Variants in SERGEF observed in about 807,000 individuals in gnomAD.
The protein encoded by SERGEF is secretion regulating guanine nucleotide exchange factor.
SERGEF carries 51 observed loss-of-function variants against 50.0 expected under a neutral mutation model. The observed-to-expected ratio is 1.02, with a 90% CI of 0.81 to 1.29. The LOEUF (loss-of-function observed/expected upper bound fraction) is 1.29. Ranked by LOEUF, SERGEF falls within the 50% of genes most tolerant of loss-of-function variation. The probability of loss-of-function intolerance (pLI) is 0.00; values close to 1 mark genes in which losing one functional copy is unlikely to be tolerated. For missense variants in SERGEF, 521 were observed against 557.0 expected, an observed-to-expected ratio of 0.94 and a Z score of 0.65; for synonymous variants, 205 against 212.4, an observed-to-expected ratio of 0.97 and a Z score of 0.30.
intron 9 of SERGEF, chr11:17,918,833 G>T: frequency 2.6e-6 from 1 of 389,478 alleles, no homozygotes; most frequent in Non-Finnish European, 5.0e-6. Flanking sequence ...GCAAAGGGAA[G>T]AGTGTGAGCA....
intron 9 of SERGEF, among the ~76,000 whole-genome samples, chr11:17,883,066 T>C (rs1363085031): frequency 2.0e-5 from 3 of 151,946 alleles, no homozygotes; most frequent in African/African-American, 7.3e-5. Flanking sequence ...ATGAGAGAGG[T>C]CTGCTCTGTT....
chr11:17,882,314 G>A (rs1465975206), intron 9 of SERGEF, among the ~76,000 whole-genome samples: 1 of 151,558 alleles, frequency 6.6e-6, no homozygotes, highest in Non-Finnish European at 1.5e-5. Flanking sequence ...ATCTGCTCAG[G>A]AGGCTGAGGC....
At chr11:17,897,531 G>T (rs147480459) in intron 9 of SERGEF, among the ~76,000 whole-genome samples, 61 of 152,224 alleles carry the variant, frequency 4.0e-4, no homozygotes, top group Middle Eastern at 3.4e-3. Flanking sequence ...ACCATATAAT[G>T]GAATACCACT....
At chr11:17,850,259 T>A (rs1850688384) in intron 10 of SERGEF, among the ~76,000 whole-genome samples, 1 of 152,164 alleles carries the variant, frequency 6.6e-6, no homozygotes, top group Non-Finnish European at 1.5e-5. Flanking sequence ...GGGGACCAAG[T>A]TTCTAACACA....
At chr11:18,012,774 T>TGCCCCCCCCC in intron 1 of SERGEF, 177 bp downstream of exon 1, 3 of 1,285,092 alleles carry the variant, frequency 2.3e-6, no homozygotes, top group Non-Finnish European at 3.2e-6. Context: ...GACCCTTCCT[T>TGCCCCCCCCC]CCCCGCCCGC....
chr11:17,807,113 G>A (rs1005348385), intron 10 of SERGEF, among the ~76,000 whole-genome samples: 3 of 152,126 alleles, frequency 2.0e-5, no homozygotes, highest in Non-Finnish European at 4.4e-5. Flanking sequence ...TGGCTCCCCT[G>A]TCTCCACAAC....
At chr11:17,856,454 T>A (rs771463096) in intron 10 of SERGEF, 11 of 152,244 alleles carry the variant, frequency 7.2e-5, no homozygotes, top group Non-Finnish European at 1.5e-4. Flanking sequence ...TATGCCTTCA[T>A]GGAGACAGGC....
intron 1 of SERGEF, among the ~76,000 whole-genome samples, chr11:18,009,737 T>C (rs905311018): frequency 6.6e-6 from 1 of 152,066 alleles, no homozygotes; most frequent in African/African-American, 2.4e-5. Flanking sequence ...ATTATTATTA[T>C]ACAAAAAGGG....
chr11:17,984,165 G>C (rs983146169), intron 8 of SERGEF, among the ~76,000 whole-genome samples: 1 of 152,166 alleles, frequency 6.6e-6, no homozygotes, highest in Admixed American at 6.5e-5. Flanking sequence ...TTGGAGGGGA[G>C]AGGGAGGATA....
chr11:17,839,157 T>A (rs963787062), intron 10 of SERGEF, among the ~76,000 whole-genome samples: 2 of 152,168 alleles, frequency 1.3e-5, no homozygotes, highest in Non-Finnish European at 2.9e-5. Flanking sequence ...GGTTCAGGTA[T>A]GCTAGATGGT....
chr11:17,827,028 T>C (rs1436231182), intron 10 of SERGEF, among the ~76,000 whole-genome samples: 1 of 152,208 alleles, frequency 6.6e-6, no homozygotes, highest in Non-Finnish European at 1.5e-5. Context: ...CTCGTTCAAA[T>C]ATTAAATAGA....
Position 18,012,963 on chromosome 11 carries a change from C to G in SERGEF, c.48G>C (p.Ala16=), listed in dbSNP as rs111652311. 6.8e-7 allele frequency: 1 copy of G among 1,477,956 alleles called. No homozygotes were observed. The highest frequency in any genetic ancestry group is 1.5e-5 in the African/African-American group (1 of 67,634). The allele number at this position is 1,477,956 out of a possible 1,614,324, so 91.6% of individuals were successfully genotyped here. A position where few individuals can be genotyped will look rare whatever the true frequency, so the allele number is the denominator to read the frequency against. Reference sequence around the variant, plus strand: ...CGGAGTCACGTACCCAGGCGAAGAGCGCGGCCGCCGCGGGGGCGGCCTCCG... The same window carrying G: ...CGGAGTCACGTACCCAGGCGAAGAGGGCGGCCGCCGCGGGGGCGGCCTCCG... ...SASEAAPAAA[A]LFAWGANSYG... The change falls in exon 1 of 11, where the codon GCG becomes GCC. Residue 16 remains alanine (A), a synonymous_variant. Transcript: ENST00000265965.
intron 8 of SERGEF, among the ~76,000 whole-genome samples, chr11:17,966,100 C>T (rs1488910532): frequency 6.6e-6 from 1 of 152,122 alleles, no homozygotes; most frequent in East Asian, 1.9e-4. Flanking sequence ...AGGGTCAATG[C>T]CTCTAATGAT....
rs1007793596 is a variant in SERGEF at position 17,815,645 on chromosome 11, C to T, written c.1049-27232G>A. On this transcript the variant is annotated intron_variant, in intron 10 of 10. Transcript: ENST00000265965. ...AAAACAAAACAAAACAAAAACCGGC[C>T]GGGCTTGGTAGCTCACACCTGTAAT... is the stretch of plus-strand genomic sequence containing the variant. Among the ~76,000 whole-genome samples, 5 of 151,414 alleles carry T rather than the reference C, an allele frequency of 3.3e-5. No individual in the cohort carries two copies. The East Asian group carries it at 9.7e-4, about 29-fold the overall frequency.
intron 10 of SERGEF, among the ~76,000 whole-genome samples, chr11:17,831,500 C>T (rs1346406872): frequency 3.3e-5 from 5 of 152,166 alleles, no homozygotes. Context: ...TCCAAGAGCC[C>T]ATGAGTAAAA....
At chr11:17,895,520 G>A (rs1851603486) in intron 9 of SERGEF, among the ~76,000 whole-genome samples, 2 of 152,198 alleles carry the variant, frequency 1.3e-5, no homozygotes, top group South Asian at 2.1e-4. Flanking sequence ...ACTGCCAGAA[G>A]TCCAGTTCCT....
intron 10 of SERGEF, among the ~76,000 whole-genome samples, chr11:17,849,987 A>G (rs1392342717): frequency 6.6e-6 from 1 of 152,150 alleles, no homozygotes; most frequent in Non-Finnish European, 1.5e-5. Flanking sequence ...AGGCTGGATA[A>G]TTTATAAAGA....
At chr11:17,879,430 A>C (rs1260514752) in intron 9 of SERGEF, among the ~76,000 whole-genome samples, 2 of 152,190 alleles carry the variant, frequency 1.3e-5, no homozygotes, top group African/African-American at 4.8e-5. Flanking sequence ...CCTGGAGATC[A>C]CCTATGTTAT....
chr11:17,805,171 G>A (rs1849735270), intron 10 of SERGEF, among the ~76,000 whole-genome samples: 1 of 152,224 alleles, frequency 6.6e-6, no homozygotes, highest in South Asian at 2.1e-4. Context: ...CTCCATGGCA[G>A]TGTGGGGCTG....
Sources: gnomAD v4.1 joint callset for allele counts (sites outside exome capture counted in the v4.1 genomes callset) on GRCh38, gnomAD v4.1.1 for gene constraint, MANE v1.5 for transcripts, NCBI Gene and HGNC (gene_info 2026-07-23, HGNC 2026-07-21) for gene names.